SLC16A7: variants seen among roughly 807,000 people sequenced by gnomAD.
SLC16A7 encodes monocarboxylate transporter 2.
SLC16A7 carries 33 observed loss-of-function variants against 34.9 expected under a neutral mutation model. The observed-to-expected ratio is 0.94, with a 90% CI of 0.72 to 1.26. SLC16A7 has a LOEUF of 1.26. Among genes scored for constraint, SLC16A7 ranks in the 50% most tolerant of loss-of-function variants. The probability of loss-of-function intolerance (pLI) is 0.00; values close to 1 mark genes in which losing one functional copy is unlikely to be tolerated. For missense variants in SLC16A7, 573 were observed against 578.1 expected (o/e 0.99, Z 0.09); for synonymous variants, 201 against 206.6 (o/e 0.97, Z 0.23).
chr12:59,705,713 C>T (rs1301099623), intron 3 of SLC16A7, among the ~76,000 whole-genome samples: 1 of 152,088 alleles, frequency 6.6e-6, no homozygotes, highest in Non-Finnish European at 1.5e-5. Flanking sequence ...GTAAATCAAT[C>T]TCAATAGCAG....
intron 1 of SLC16A7, among the ~76,000 whole-genome samples, chr12:59,614,871 T>C (rs1480504751): frequency 7.6e-6 from 1 of 131,906 alleles, no homozygotes; most frequent in Non-Finnish European, 1.6e-5. Context: ...GGCGTGGTGG[T>C]GGGCACCTGT....
chr12:59,696,474 G>A (rs780470581), intron 2 of SLC16A7: 1 of 152,078 alleles, frequency 6.6e-6, no homozygotes, highest in Admixed American at 6.6e-5. Context: ...TAGGCTTAAA[G>A]ATTCCACATA....
At chr12:59,626,215 A>G (rs1344367413) in intron 1 of SLC16A7, among the ~76,000 whole-genome samples, 1 of 150,708 alleles carries the variant, frequency 6.6e-6, no homozygotes, top group Non-Finnish European at 1.5e-5. Context: ...ATAATTTTTT[A>G]TGTCCTCCTT....
chr12:59,764,540 T>A (rs1451746815), intron 3 of SLC16A7, among the ~76,000 whole-genome samples: 1 of 144,620 alleles, frequency 6.9e-6, no homozygotes, highest in Non-Finnish European at 1.5e-5. Context: ...TGTCCATGTG[T>A]TCTCATTGTT....
At chr12:59,615,397 T>A (rs1241990329) in intron 1 of SLC16A7, among the ~76,000 whole-genome samples, 1 of 152,232 alleles carries the variant, frequency 6.6e-6, no homozygotes, top group East Asian at 1.9e-4. Flanking sequence ...TTTTTCAGTA[T>A]AATTTTATTT....
chr12:59,722,207 A>G (rs1278437824), intron 3 of SLC16A7, among the ~76,000 whole-genome samples: 1 of 151,922 alleles, frequency 6.6e-6, no homozygotes, highest in African/African-American at 2.4e-5. Flanking sequence ...GGTCAAAAAC[A>G]TTGGAGCCAT....
chr12:59,597,142 G>C (rs953609930), intron 1 of SLC16A7: 1 of 152,038 alleles, frequency 6.6e-6, no homozygotes, highest in African/African-American at 2.4e-5. Flanking sequence ...CCTTGGAAAG[G>C]GCGGTCGTGC....
At chr12:59,736,341 G>T (rs889247545) in intron 3 of SLC16A7, among the ~76,000 whole-genome samples, 1 of 152,184 alleles carries the variant, frequency 6.6e-6, no homozygotes, top group Non-Finnish European at 1.5e-5. Flanking sequence ...GGGAGGGCTT[G>T]AGTGAAATGC....
At chr12:59,716,777 G>A (rs935132287) in intron 3 of SLC16A7, among the ~76,000 whole-genome samples, 1 of 152,012 alleles carries the variant, frequency 6.6e-6, no homozygotes, top group Non-Finnish European at 1.5e-5. Flanking sequence ...AGCCCAGGAG[G>A]GGAAGTTGCT....
intron 2 of SLC16A7, among the ~76,000 whole-genome samples, chr12:59,698,976 T>G (rs1030597703): frequency 6.6e-6 from 1 of 151,758 alleles, no homozygotes; most frequent in Non-Finnish European, 1.5e-5. Flanking sequence ...CATTTTCAAT[T>G]GGATAAAATG....
intron 1 of SLC16A7, among the ~76,000 whole-genome samples, chr12:59,640,474 G>A (rs926292260): frequency 2.0e-5 from 3 of 151,844 alleles, no homozygotes; most frequent in African/African-American, 7.3e-5. Context: ...CCAAGCATTA[G>A]GATTGTTATT....
chr12:59,763,103 T>A (rs897941025), intron 3 of SLC16A7, among the ~76,000 whole-genome samples: 6 of 152,042 alleles, frequency 3.9e-5, no homozygotes, highest in Non-Finnish European at 7.4e-5. Context: ...TCAATCAAAA[T>A]AAGATAATTA....
At chr12:59,603,609 G>A (rs532980283) in intron 1 of SLC16A7, among the ~76,000 whole-genome samples, 1 of 152,174 alleles carries the variant, frequency 6.6e-6, no homozygotes, top group South Asian at 2.1e-4. Flanking sequence ...GGAACATTAT[G>A]TTTATAATGT....
At chr12:59,712,996 C>A (rs966782181) in intron 3 of SLC16A7, among the ~76,000 whole-genome samples, 1 of 151,396 alleles carries the variant, frequency 6.6e-6, no homozygotes, top group African/African-American at 2.4e-5. Context: ...TGGATGTTTT[C>A]TTTTCTTTTC....
At chr12:59,654,763 G>T (rs1034889797) in intron 1 of SLC16A7, among the ~76,000 whole-genome samples, 1 of 151,474 alleles carries the variant, frequency 6.6e-6, no homozygotes, top group Non-Finnish European at 1.5e-5. Flanking sequence ...TCACTCAAAA[G>T]TTAAAAACAA....
intron 5 of SLC16A7, among the ~76,000 whole-genome samples, chr12:59,777,765 T>C (rs1882906493): frequency 1.3e-5 from 2 of 151,400 alleles, no homozygotes; most frequent in South Asian, 4.2e-4. Flanking sequence ...AACTCGTCAT[T>C]TAGCATTAGG....
intron 1 of SLC16A7, among the ~76,000 whole-genome samples, chr12:59,633,430 T>G (rs7966386): frequency 0.039 from 5,882 of 152,142 alleles, 370 homozygotes; most frequent in African/African-American, 0.13. Context: ...ATATTGTTAC[T>G]TAACATTTAG....
At chr12:59,708,876 A>G (rs1873897582) in intron 3 of SLC16A7, among the ~76,000 whole-genome samples, 1 of 151,714 alleles carries the variant, frequency 6.6e-6, no homozygotes, top group African/African-American at 2.4e-5. Context: ...TTTATACCTT[A>G]CTTCATCCTT....
In SLC16A7 at chr12:59,761,845, C is replaced by T. The variant is rs1881048221; in HGVS notation, c.218-9374C>T. ...GTTCCCTTGGTTTCAAGGCTTTAAA[C>T]AGAAATTCAGAGCATTTTCATGGTA... is the stretch of plus-strand genomic sequence containing the variant. On this transcript the variant is annotated intron_variant, in intron 3 of 5. Transcript: ENST00000547379. Among the ~76,000 whole-genome samples the T allele has an allele frequency of 1.3e-5, 2 of 152,016 alleles. 1 individual carries two copies. Among genetic ancestry groups the T allele is most frequent in the African/African-American group, 4.8e-5 (2 of 41,416 alleles).
Sources: allele counts gnomAD v4.1 joint callset (sites outside exome capture counted in the v4.1 genomes callset), GRCh38; gene constraint gnomAD v4.1.1; transcripts MANE v1.5; gene names NCBI Gene and HGNC (gene_info 2026-07-23, HGNC 2026-07-21).